Variants in MIPOL1 observed in about 807,000 individuals in gnomAD.
The protein encoded by MIPOL1 is mirror-image polydactyly 1.
In MIPOL1, 57 loss-of-function variants were observed where a neutral mutation model predicts 60.9. The ratio of observed to expected loss-of-function variants is 0.94; its 90% CI spans 0.76 to 1.17. The LOEUF (loss-of-function observed/expected upper bound fraction) is 1.17, where lower values mean the gene tolerates loss of function less well. Among genes scored for constraint, MIPOL1 ranks in the 50% most tolerant of loss-of-function variants. MIPOL1 has a pLI of 0.00. For synonymous variants in MIPOL1, 179 were observed against 168.8 expected (o/e 1.06, Z -0.47); for missense variants, 551 against 511.6 (o/e 1.08, Z -0.74).
chr14:37,369,597 T>A lies in MIPOL1; in HGVS notation c.909T>A (p.Ala303=). 1 of 1,613,110 alleles carries A rather than the reference T, an allele frequency of 6.2e-7. No individual in the cohort carries two copies. Among genetic ancestry groups the A allele is most frequent in the Non-Finnish European group, 8.5e-7 (1 of 1,179,312 alleles). ...CAAACAACATGAGACATCTGACTGC[T>A]GAAAACAATCAAGAACGTGCTCTGA... is the stretch of plus-strand genomic sequence containing the variant. ...TSANNMRHLT[A]ENNQERALKA... The change falls in exon 10 of 13, where the codon GCT becomes GCA. Residue 303 remains alanine, a synonymous_variant. Transcript: ENST00000684589.
intron 10 of MIPOL1, among the ~76,000 whole-genome samples, chr14:37,379,463 C>T (rs1339052328): frequency 6.6e-6 from 1 of 151,996 alleles, no homozygotes; most frequent in Non-Finnish European, 1.5e-5. Flanking sequence ...AACAGTTAAG[C>T]TGGGCCTAAT....
At chr14:37,426,592 T>TATAC (rs2093968851) in intron 11 of MIPOL1, among the ~76,000 whole-genome samples, 1 of 126,662 alleles carries the variant, frequency 7.9e-6, no homozygotes, top group African/African-American at 2.8e-5. Context: ...TATATATATA[T>TATAC]ATACACACAC....
intron 11 of MIPOL1, among the ~76,000 whole-genome samples, chr14:37,458,445 A>G (rs2094501229): frequency 6.6e-6 from 1 of 152,228 alleles, no homozygotes; most frequent in South Asian, 2.1e-4. Flanking sequence ...TAAATTCAAC[A>G]GAATGGACAT....
chr14:37,219,994 G>T (rs1214069114), intron 1 of MIPOL1, among the ~76,000 whole-genome samples: 1 of 150,638 alleles, frequency 6.6e-6, no homozygotes, highest in Non-Finnish European at 1.5e-5. Context: ...TTTTTTCATT[G>T]TGCTCTATTA....
rs145958826 is a variant in MIPOL1 at position 37,407,676 on chromosome 14, C to T, written c.937-15179C>T. Among the ~76,000 whole-genome samples, 901 of 151,772 alleles carry T rather than the reference C, an allele frequency of 5.9e-3. 12 individuals are homozygous for T. Among genetic ancestry groups the T allele is most frequent in the African/African-American group, 0.02 (823 of 41,394 alleles). ...GTGTTTAATGTAGTACATGAGAGAC[C>T]ATTGTTTAGACAGGAAGGATATTGT... is the stretch of plus-strand genomic sequence containing the variant. On this transcript the variant is annotated intron_variant, in intron 10 of 12. Coordinates refer to ENST00000684589, the MANE Select transcript of MIPOL1 (RefSeq NM_001388067.1).
At chr14:37,287,969 G>A (rs2084719333) in intron 7 of MIPOL1, among the ~76,000 whole-genome samples, 1 of 151,966 alleles carries the variant, frequency 6.6e-6, no homozygotes, top group African/African-American at 2.4e-5. Context: ...AAGATCATGT[G>A]ACTCTCAGGT....
chr14:37,222,282 GCACAAT>G (rs1456702460), intron 1 of MIPOL1, among the ~76,000 whole-genome samples: 3 of 151,410 alleles, frequency 2.0e-5, no homozygotes, highest in Non-Finnish European at 4.4e-5. Flanking sequence ...GAGTGCGGTG[GCACAAT>G]CACAACTCAC....
chr14:37,317,653 A>G (rs2088067770), intron 9 of MIPOL1, among the ~76,000 whole-genome samples: 1 of 152,146 alleles, frequency 6.6e-6, no homozygotes, highest in South Asian at 2.1e-4. Context: ...GATAGTAAAA[A>G]ACTGGTAAGT....
intron 11 of MIPOL1, among the ~76,000 whole-genome samples, chr14:37,453,956 C>T (rs556646994): frequency 7.5e-4 from 114 of 152,252 alleles, no homozygotes; most frequent in African/African-American, 2.7e-3. Flanking sequence ...GGCCACAATT[C>T]CAGAAGTTTT....
At chr14:37,258,624 T>G (rs949748689) in intron 3 of MIPOL1, among the ~76,000 whole-genome samples, 1 of 152,156 alleles carries the variant, frequency 6.6e-6, no homozygotes, top group African/African-American at 2.4e-5. Context: ...AATTTGTGAT[T>G]TATAAGTTAA....
At chr14:37,485,350 T>C (rs2094931512) in intron 11 of MIPOL1, among the ~76,000 whole-genome samples, 1 of 152,230 alleles carries the variant, frequency 6.6e-6, no homozygotes, top group East Asian at 1.9e-4. Context: ...ATATACCCAG[T>C]AATGGTATTG....
chr14:37,263,418 A>T (rs2082649978), intron 3 of MIPOL1, among the ~76,000 whole-genome samples: 1 of 152,198 alleles, frequency 6.6e-6, no homozygotes, highest in Non-Finnish European at 1.5e-5. Context: ...ATTTTAGGGT[A>T]ATACCTAGTA....
At chr14:37,382,914 T>C (rs2092963314) in intron 10 of MIPOL1, among the ~76,000 whole-genome samples, 1 of 151,856 alleles carries the variant, frequency 6.6e-6, no homozygotes, top group Non-Finnish European at 1.5e-5. Flanking sequence ...TTACTTAGTA[T>C]TTAAAATTCG....
At chr14:37,527,071 C>G (rs1026261340) in intron 12 of MIPOL1, among the ~76,000 whole-genome samples, 1 of 151,872 alleles carries the variant, frequency 6.6e-6, no homozygotes, top group Admixed American at 6.6e-5. Context: ...TGTGAACTGC[C>G]TATTCCTGAC....
chr14:37,471,557 T>C (rs2094689490), intron 11 of MIPOL1, among the ~76,000 whole-genome samples: 1 of 152,218 alleles, frequency 6.6e-6, no homozygotes, highest in South Asian at 2.1e-4. Context: ...AGCAATTTTT[T>C]TGAAAGGCAA....
At position 37,549,994 on chromosome 14, in the gene MIPOL1, G is replaced by A. The variant is rs1022974704; in HGVS notation, c.*3023G>A. The A allele has an allele frequency of 2.0e-5, 3 of 151,528 alleles. No homozygotes were observed. The highest frequency in any genetic ancestry group is 1.5e-5 in the Non-Finnish European group (1 of 67,734). The allele number at this position is 151,528 out of a possible 1,614,324, so 9.4% of individuals were successfully genotyped here. On this transcript the variant is annotated 3_prime_UTR_variant, in exon 13 of 13. Coordinates refer to ENST00000684589, the MANE Select transcript of MIPOL1 (RefSeq NM_001388067.1). ...AAAACCAGTAATAAGCAAAGTTATT[G>A]GTTATAAGCAAGGTATAAGCAGTTA...
intron 11 of MIPOL1, among the ~76,000 whole-genome samples, chr14:37,424,013 A>G (rs570523309): frequency 6.6e-6 from 1 of 152,296 alleles, no homozygotes; most frequent in South Asian, 2.1e-4. Flanking sequence ...CTCAAGAACC[A>G]CTGATATTAC....
intron 9 of MIPOL1, among the ~76,000 whole-genome samples, chr14:37,333,062 T>C (rs1378436116): frequency 6.6e-6 from 1 of 152,216 alleles, no homozygotes; most frequent in Admixed American, 6.5e-5. Context: ...TATGCAGTTA[T>C]GATCTAATAC....
At chr14:37,284,604 A>G (rs1339999964) in intron 6 of MIPOL1, among the ~76,000 whole-genome samples, 1 of 152,098 alleles carries the variant, frequency 6.6e-6, no homozygotes, top group African/African-American at 2.4e-5. Flanking sequence ...CGGCCTCCCA[A>G]AGTGCTGGGA....
Sources: allele counts gnomAD v4.1 joint callset (sites outside exome capture counted in the v4.1 genomes callset), GRCh38; gene constraint gnomAD v4.1.1; transcripts MANE v1.5; gene names NCBI Gene and HGNC (gene_info 2026-07-23, HGNC 2026-07-21).